KCNH1: variants seen among roughly 807,000 people sequenced by gnomAD.
KCNH1 encodes the protein potassium voltage-gated channel subfamily H member 1, also known as voltage-gated delayed rectifier potassium channel KCNH1.
KCNH1 carries 27 observed loss-of-function variants against 69.2 expected under a neutral mutation model. The ratio of observed to expected loss-of-function variants is 0.39; its 90% CI spans 0.29 to 0.54. KCNH1 has a LOEUF of 0.54. Ranked by LOEUF, KCNH1 falls within the 20% of genes least tolerant of loss-of-function variation. The probability of loss-of-function intolerance (pLI) is 0.68; values close to 1 mark genes in which losing one functional copy is unlikely to be tolerated. For missense variants in KCNH1, 798 were observed against 1,261.6 expected (o/e 0.63, Z 5.57); for synonymous variants, 456 against 487.7 (o/e 0.93, Z 0.86).
chr1:210,875,305 C>T (rs951495559), intron 7 of KCNH1, among the ~76,000 whole-genome samples: 1 of 152,034 alleles, frequency 6.6e-6, no homozygotes, highest in Non-Finnish European at 1.5e-5. Context: ...CCTATATGAC[C>T]ACTGCTGTTG....
intron 10 of KCNH1, among the ~76,000 whole-genome samples, chr1:210,738,627 C>T (rs1006450726): frequency 1.5e-5 from 2 of 136,708 alleles, no homozygotes; most frequent in Non-Finnish European, 3.1e-5. Context: ...TGCCGTGGCA[C>T]AATCAGAGCT....
intron 9 of KCNH1, among the ~76,000 whole-genome samples, chr1:210,787,032 T>C (rs1684117678): frequency 6.6e-6 from 1 of 152,210 alleles, no homozygotes; most frequent in Non-Finnish European, 1.5e-5. Context: ...TGAGTTTCTG[T>C]CATTCTTCTG....
intron 7 of KCNH1, among the ~76,000 whole-genome samples, chr1:210,899,748 A>C (rs1686955758): frequency 6.6e-6 from 1 of 152,216 alleles, no homozygotes; most frequent in South Asian, 2.1e-4. Flanking sequence ...TTAAGGCAAA[A>C]ACATATTCCA....
At chr1:211,066,260 C>A (rs544954730) in intron 5 of KCNH1, among the ~76,000 whole-genome samples, 10 of 152,032 alleles carry the variant, frequency 6.6e-5, no homozygotes, top group Non-Finnish European at 1.5e-4. Context: ...AAGAGCCAAA[C>A]GTCAAAATCT....
At chr1:211,013,661 T>C (rs1433498035) in intron 6 of KCNH1, among the ~76,000 whole-genome samples, 3 of 152,218 alleles carry the variant, frequency 2.0e-5, no homozygotes, top group Non-Finnish European at 4.4e-5. Context: ...AAGGACAAAC[T>C]GTCCCTTTCA....
chr1:210,861,712 G>A (rs565121808), intron 7 of KCNH1: 1 of 774,690 alleles, frequency 1.3e-6, no homozygotes, highest in South Asian at 1.3e-5. Context: ...AGACTGATCA[G>A]ACTGGTCAGA....
chr1:211,027,603 G>GA (rs920754943), intron 5 of KCNH1, among the ~76,000 whole-genome samples: 19 of 138,936 alleles, frequency 1.4e-4, no homozygotes, highest in Non-Finnish European at 1.9e-4. Context: ...CTCAGGGAAA[G>GA]AAAAAAAAAA....
In KCNH1 at chr1:210,966,417, C is replaced by T. The variant is rs191400346; in HGVS notation, c.1033-46348G>A. On this transcript the variant is annotated intron_variant, in intron 6 of 10. Transcript: ENST00000271751. The stretch of plus-strand genomic sequence containing the variant: ...ATTAGACTAAAGAGCTTCTGCACAG[C>T]AAAAGAAACTACCATCAGAGTGAAG... 9.1e-3 allele frequency among the ~76,000 whole-genome samples: 1,385 copies of T among 152,226 alleles called. 6 individuals carry two copies. Among genetic ancestry groups the T allele is most frequent in the Non-Finnish European group, 0.014 (931 of 68,004 alleles).
intron 6 of KCNH1, among the ~76,000 whole-genome samples, chr1:210,967,926 T>C (rs2102363625): frequency 6.6e-6 from 1 of 152,138 alleles, no homozygotes; most frequent in African/African-American, 2.4e-5. Flanking sequence ...TGCAGGTTAG[T>C]TACATATGTA....
At chr1:210,696,643 T>C (rs1210557560) in intron 10 of KCNH1, among the ~76,000 whole-genome samples, 1 of 152,148 alleles carries the variant, frequency 6.6e-6, no homozygotes, top group Non-Finnish European at 1.5e-5. Context: ...CCTCATTTTA[T>C]GGGGGGCACT....
intron 6 of KCNH1, among the ~76,000 whole-genome samples, chr1:210,950,678 G>A (rs17188741): frequency 0.33 from 50,743 of 151,844 alleles, 8,896 homozygotes; most frequent in Non-Finnish European, 0.38. Context: ...TTAAAGACAG[G>A]CCCTCAACAA....
chr1:210,922,383 CAAAAAAAAAAAAAAAAAAAAAAAA>C (rs758026291), intron 6 of KCNH1, among the ~76,000 whole-genome samples: 8 of 98,314 alleles, frequency 8.1e-5, no homozygotes, highest in Non-Finnish European at 1.0e-4. Flanking sequence ...GACTCCGTCT[CAAAAAAAAAAAAAAAAAAAAAAAA>C]AAAAAAAAAA....
chr1:210,947,509 A>G (rs898260214), intron 6 of KCNH1, among the ~76,000 whole-genome samples: 5 of 151,530 alleles, frequency 3.3e-5, no homozygotes, highest in African/African-American at 4.8e-5. Context: ...TGGGGGGCGG[A>G]GCTTGCAGTG....
At chr1:210,741,636 A>C (rs887816297) in intron 10 of KCNH1, among the ~76,000 whole-genome samples, 1 of 152,320 alleles carries the variant, frequency 6.6e-6, no homozygotes, top group South Asian at 2.1e-4. Context: ...GGATAGAGGC[A>C]CAGGAGGTTA....
intron 5 of KCNH1, among the ~76,000 whole-genome samples, chr1:211,057,443 C>CT (rs1690331622): frequency 6.6e-6 from 1 of 151,988 alleles, no homozygotes; most frequent in Admixed American, 6.6e-5. Flanking sequence ...CGAGACCAGC[C>CT]TGGGCAACAT....
intron 5 of KCNH1, among the ~76,000 whole-genome samples, chr1:211,025,014 T>C (rs114400930): frequency 2.6e-4 from 39 of 152,332 alleles, no homozygotes; most frequent in African/African-American, 8.4e-4. Flanking sequence ...TACATTTCCC[T>C]GAGTAACTCA....
chr1:210,744,896 T>C (rs1262496573), intron 10 of KCNH1, among the ~76,000 whole-genome samples: 1 of 151,798 alleles, frequency 6.6e-6, no homozygotes, highest in Non-Finnish European at 1.5e-5. Flanking sequence ...AAACAAAGAT[T>C]ACATATGTAA....
intron 6 of KCNH1, among the ~76,000 whole-genome samples, chr1:210,920,847 A>C (rs1036226637): frequency 6.6e-6 from 1 of 152,188 alleles, no homozygotes; most frequent in South Asian, 2.1e-4. Context: ...CTTAAATACA[A>C]TCAGTCAAGG....
At chr1:210,742,989 GA>G (rs1182018181) in intron 10 of KCNH1, among the ~76,000 whole-genome samples, 1 of 152,134 alleles carries the variant, frequency 6.6e-6, no homozygotes, top group East Asian at 1.9e-4. Flanking sequence ...AGAAAAGAAA[GA>G]GGATAAAGAT....
Sources: gnomAD v4.1 joint callset for allele counts (sites outside exome capture counted in the v4.1 genomes callset) on GRCh38, gnomAD v4.1.1 for gene constraint, MANE v1.5 for transcripts, NCBI Gene and HGNC (gene_info 2026-07-23, HGNC 2026-07-21) for gene names.